The following WWOX variants were observed in gnomAD, a reference collection of about 807,000 sequenced individuals.
WWOX encodes the protein WW domain containing oxidoreductase.
Under a neutral mutation model 46.2 loss-of-function variants are expected in WWOX, and 69 were observed. That is an observed-to-expected ratio of 1.49 (90% confidence interval 1.23 to 1.82). The LOEUF (loss-of-function observed/expected upper bound fraction) is 1.82, where lower values mean the gene tolerates loss of function less well. WWOX is among the 40% of genes most tolerant of loss of function. The pLI, the probability that WWOX is intolerant of heterozygous loss-of-function variation, is 0.00. For missense variants in WWOX, 919 were observed against 542.6 expected (o/e 1.69, Z -6.89); for synonymous variants, 359 against 202.6 (o/e 1.77, Z -6.56).
chr16:78,290,764 T>G (rs2079846578), intron 5 of WWOX, among the ~76,000 whole-genome samples: 1 of 152,150 alleles, frequency 6.6e-6, no homozygotes, highest in African/African-American at 2.4e-5. Context: ...GCTTAATTAT[T>G]TAGGGAGCAC....
intron 8 of WWOX, among the ~76,000 whole-genome samples, chr16:79,049,401 G>C (rs1034739627): frequency 6.6e-6 from 1 of 152,218 alleles, no homozygotes; most frequent in Non-Finnish European, 1.5e-5. Context: ...GCTCAGGGCT[G>C]GCAGTTGTAG....
intron 8 of WWOX, among the ~76,000 whole-genome samples, chr16:78,714,109 A>G (rs1290805601): frequency 2.6e-5 from 4 of 152,192 alleles, no homozygotes; most frequent in Non-Finnish European, 5.9e-5. Flanking sequence ...CCCCTTCTAG[A>G]ATAAGTCCGT....
chr16:78,618,202 C>T (rs2046077219), intron 8 of WWOX, among the ~76,000 whole-genome samples: 2 of 152,214 alleles, frequency 1.3e-5, no homozygotes, highest in Admixed American at 1.3e-4. Flanking sequence ...ATTCTAAAGT[C>T]CTTGCTCTCC....
intron 8 of WWOX, among the ~76,000 whole-genome samples, chr16:78,875,183 G>T (rs1355857003): frequency 6.6e-6 from 1 of 152,154 alleles, no homozygotes; most frequent in Non-Finnish European, 1.5e-5. Context: ...ATGAGATTAA[G>T]CCGCTGAAAC....
chr16:78,762,834 C>T (rs559519955), intron 8 of WWOX, among the ~76,000 whole-genome samples: 1 of 152,164 alleles, frequency 6.6e-6, no homozygotes, highest in African/African-American at 2.4e-5. Flanking sequence ...ATAAAAGCAC[C>T]TACTTGTTAA....
rs116365581 is a variant in WWOX at position 78,674,037 on chromosome 16, T to C, written c.1056+241285T>C. Among the ~76,000 whole-genome samples the C allele has an allele frequency of 2.2e-3, 340 of 152,272 alleles. 1 individual carries two copies. Among genetic ancestry groups the C allele is most frequent in the African/African-American group, 7.7e-3 (322 of 41,578 alleles). On this transcript the variant is annotated intron_variant, in intron 8 of 8. Transcript: ENST00000566780. ...GCTTGAAATTTTGCCCCCAAGACTT[T>C]TTGGATTCTCGATGGGAACCGACTC...
intron 8 of WWOX, among the ~76,000 whole-genome samples, chr16:78,947,188 TAACAA>T (rs2045965942): frequency 6.6e-6 from 1 of 151,524 alleles, no homozygotes; most frequent in South Asian, 2.1e-4. Context: ...GAAAACCCCA[TAACAA>T]TGAAATAAAT....
At chr16:78,942,416 C>G (rs537223083) in intron 8 of WWOX, among the ~76,000 whole-genome samples, 12 of 152,226 alleles carry the variant, frequency 7.9e-5, no homozygotes, top group African/African-American at 2.9e-4. Context: ...GTTTTGAGGA[C>G]ACACTGTAAA....
rs188819000 is a variant in WWOX at position 78,971,376 on chromosome 16, G to C, written c.1057-240232G>C. On this transcript the variant is annotated intron_variant, in intron 8 of 8. Transcript: ENST00000566780. ...AGGCTGAGGCGGGAGAATCTGTTGA[G>C]TCCGGGAGGCGGAGGTTGCAGTGAG... 1.4e-4 allele frequency among the ~76,000 whole-genome samples: 21 copies of C among 148,684 alleles called. No individual in the cohort carries two copies. In the East Asian group the frequency reaches 3.9e-3, roughly 28 times the overall value.
At chr16:78,878,567 A>G (rs1011421346) in intron 8 of WWOX, among the ~76,000 whole-genome samples, 3 of 152,190 alleles carry the variant, frequency 2.0e-5, no homozygotes, top group East Asian at 1.9e-4. Flanking sequence ...TAATTATATT[A>G]ACACCTATTT....
chr16:78,815,739 C>T (rs1183148361), intron 8 of WWOX, among the ~76,000 whole-genome samples: 1 of 152,164 alleles, frequency 6.6e-6, no homozygotes, highest in Non-Finnish European at 1.5e-5. Flanking sequence ...TTTAGAACTG[C>T]AATGCATCTG....
intron 8 of WWOX, among the ~76,000 whole-genome samples, chr16:79,180,735 CTG>C (rs1235546233): frequency 1.3e-5 from 2 of 152,094 alleles, no homozygotes; most frequent in Non-Finnish European, 2.9e-5. Context: ...GTCTATCTGT[CTG>C]TGTATATCTA....
intron 5 of WWOX, among the ~76,000 whole-genome samples, chr16:78,382,839 G>C (rs1158151091): frequency 6.6e-6 from 1 of 152,026 alleles, no homozygotes; most frequent in African/African-American, 2.4e-5. Flanking sequence ...ATCTCAAGTT[G>C]TGTTAGTTCC....
chr16:78,649,283 C>G (rs2046912917), intron 8 of WWOX, among the ~76,000 whole-genome samples: 2 of 152,068 alleles, frequency 1.3e-5, no homozygotes, highest in Admixed American at 6.6e-5. Flanking sequence ...CCGTGACTGA[C>G]CTGTTTTTAA....
At chr16:79,033,708 G>A (rs1254970446) in intron 8 of WWOX, among the ~76,000 whole-genome samples, 1 of 152,120 alleles carries the variant, frequency 6.6e-6, no homozygotes, top group Non-Finnish European at 1.5e-5. Context: ...CAGAACACTG[G>A]CTCCTCATCA....
At chr16:78,983,412 G>A (rs1597236896) in intron 8 of WWOX, among the ~76,000 whole-genome samples, 1 of 152,284 alleles carries the variant, frequency 6.6e-6, no homozygotes, top group South Asian at 2.1e-4. Context: ...TTCCTGGGAA[G>A]GATGATACAT....
At chr16:78,946,361 T>G (rs1332404884) in intron 8 of WWOX, among the ~76,000 whole-genome samples, 1 of 152,030 alleles carries the variant, frequency 6.6e-6, no homozygotes, top group East Asian at 1.9e-4. Context: ...AGCTAATTTT[T>G]TGTATTTTTA....
intron 8 of WWOX, among the ~76,000 whole-genome samples, chr16:79,072,324 GC>G (rs1439758305): frequency 6.6e-6 from 1 of 152,004 alleles, no homozygotes; most frequent in East Asian, 1.9e-4. Flanking sequence ...CCTATCATAT[GC>G]ATTCTCAACT....
chr16:78,628,250 C>G (rs568573317), intron 8 of WWOX, among the ~76,000 whole-genome samples: 1 of 152,284 alleles, frequency 6.6e-6, no homozygotes, highest in African/African-American at 2.4e-5. Context: ...TAAGGCCTCT[C>G]CCTCATGTCA....
Sources: allele counts gnomAD v4.1 joint callset (sites outside exome capture counted in the v4.1 genomes callset), GRCh38; gene constraint gnomAD v4.1.1; transcripts MANE v1.5; gene names NCBI Gene and HGNC (gene_info 2026-07-23, HGNC 2026-07-21).